The following NOL10 variants were observed in gnomAD, a reference collection of about 807,000 sequenced individuals.
NOL10 encodes nucleolar protein 10.
NOL10 carries 58 observed loss-of-function variants against 103.5 expected under a neutral mutation model. That is an observed-to-expected ratio of 0.56 (90% CI 0.45 to 0.70). NOL10 has a LOEUF of 0.70. Among genes scored for constraint, NOL10 ranks in the 30% least tolerant of loss-of-function variants. NOL10 has a pLI of 0.00. For missense variants in NOL10, 763 were observed against 807.3 expected (o/e 0.95, Z 0.67); for synonymous variants, 287 against 282.5 (o/e 1.02, Z -0.16).
At chr2:10,592,425 G>A (rs867788078) in intron 17 of NOL10, among the ~76,000 whole-genome samples, 1 of 152,298 alleles carries the variant, frequency 6.6e-6, no homozygotes, top group South Asian at 2.1e-4. Context: ...GTGGCACAGG[G>A]AGAAGAGCAC....
chr2:10,669,292 G>T (rs113832619), intron 6 of NOL10, among the ~76,000 whole-genome samples: 1 of 151,146 alleles, frequency 6.6e-6, no homozygotes, highest in Non-Finnish European at 1.5e-5. Context: ...GTTTCACCAT[G>T]TTGGCCAGGC....
intron 12 of NOL10, among the ~76,000 whole-genome samples, chr2:10,644,701 G>C (rs747405905): frequency 1.3e-5 from 2 of 152,178 alleles, no homozygotes; most frequent in Non-Finnish European, 2.9e-5. Context: ...CTCCCTCACA[G>C]GGAATTATAA....
intron 3 of NOL10, among the ~76,000 whole-genome samples, chr2:10,676,817 T>C (rs910191668): frequency 9.9e-5 from 15 of 151,900 alleles, no homozygotes; most frequent in Non-Finnish European, 1.8e-4. Flanking sequence ...TTTGTATTTT[T>C]AGTAGAGACG....
chr2:10,637,516 A>T (rs1197884503), intron 13 of NOL10, among the ~76,000 whole-genome samples: 1 of 152,208 alleles, frequency 6.6e-6, no homozygotes, highest in East Asian at 1.9e-4. Flanking sequence ...AGGAGATACC[A>T]GCGTTGAACC....
intron 8 of NOL10, among the ~76,000 whole-genome samples, chr2:10,663,572 A>C (rs1246628741): frequency 6.6e-6 from 1 of 152,170 alleles, no homozygotes; most frequent in African/African-American, 2.4e-5. Flanking sequence ...GGGAAAAGAA[A>C]ATGCAAAATA....
chr2:10,659,521 T>TAA (rs113310863), intron 9 of NOL10, among the ~76,000 whole-genome samples: 1 of 142,342 alleles, frequency 7.0e-6, no homozygotes, highest in African/African-American at 2.6e-5. Flanking sequence ...TACAAAAAAT[T>TAA]AAAAAAAAAA....
chr2:10,686,858 G>A (rs1029232590), intron 1 of NOL10, among the ~76,000 whole-genome samples: 1 of 137,820 alleles, frequency 7.3e-6, no homozygotes, highest in Non-Finnish European at 1.7e-5. Flanking sequence ...AATGTGGGGG[G>A]AAAGCTGGTG....
At chr2:10,643,294 T>C (rs1678842387) in intron 13 of NOL10, among the ~76,000 whole-genome samples, 1 of 152,168 alleles carries the variant, frequency 6.6e-6, no homozygotes, top group Admixed American at 6.5e-5. Flanking sequence ...TTAAAAGGAC[T>C]ATCATAGACA....
chr2:10,682,727 G>A (rs2148365518), intron 2 of NOL10, among the ~76,000 whole-genome samples: 1 of 152,002 alleles, frequency 6.6e-6, no homozygotes, highest in African/African-American at 2.4e-5. Flanking sequence ...ACTCAATCAT[G>A]GCAAAGACAA....
At chr2:10,659,022 G>C (rs1037075014) in intron 10 of NOL10, 150 bp downstream of exon 10, 9 of 642,324 alleles carry the variant, frequency 1.4e-5, no homozygotes, top group African/African-American at 3.6e-5. Context: ...ATTTCTCAAG[G>C]TGTGGAAGAA....
At chr2:10,638,791 C>CTT (rs1678492693) in intron 13 of NOL10, among the ~76,000 whole-genome samples, 1 of 108,154 alleles carries the variant, frequency 9.2e-6, no homozygotes, top group African/African-American at 3.8e-5. Context: ...CCGTGCCTGG[C>CTT]CTTTTTTTTT....
chr2:10,616,060 C>T (rs541177050), intron 13 of NOL10, among the ~76,000 whole-genome samples: 2 of 152,082 alleles, frequency 1.3e-5, no homozygotes, highest in Non-Finnish European at 2.9e-5. Context: ...GTCCACTCTA[C>T]CAGCCCAAAC....
Position 10,602,987 on chromosome 2 carries a change from T to C in NOL10, c.1233+91A>G, listed in dbSNP as rs1478123084. Reference sequence around the variant, plus strand: ...ACAGGCAGATCCCCTACAAATCCTATGTATGATTTATGAAAGTGCGAGTAG... The same window carrying C: ...ACAGGCAGATCCCCTACAAATCCTACGTATGATTTATGAAAGTGCGAGTAG... On this transcript the variant is annotated intron_variant, in intron 15 of 20. Transcript: ENST00000381685. The C allele has an allele frequency of 1.4e-5, 17 of 1,236,350 alleles. No individual in the cohort carries two copies. The East Asian group carries it at 2.0e-4, about 14-fold the overall frequency. The allele number at this position is 1,236,350 out of a possible 1,614,324, so 76.6% of individuals were successfully genotyped here.
At chr2:10,634,534 G>A (rs1342656726) in intron 13 of NOL10, 2 of 456,594 alleles carry the variant, frequency 4.4e-6, no homozygotes, top group South Asian at 1.5e-5. Context: ...TGGTGGATAT[G>A]TACCTCTGTA....
intron 13 of NOL10, among the ~76,000 whole-genome samples, chr2:10,615,663 CTT>C (rs1676795899): frequency 6.6e-6 from 1 of 152,200 alleles, no homozygotes; most frequent in Admixed American, 6.5e-5. Context: ...ATTTAAGAAA[CTT>C]AACCGGGTAA....
chr2:10,580,037 C>A (rs1189973930), intron 19 of NOL10, among the ~76,000 whole-genome samples: 1 of 152,170 alleles, frequency 6.6e-6, no homozygotes, highest in Non-Finnish European at 1.5e-5. Flanking sequence ...AGTTTTGGAA[C>A]AAACCATGGC....
At chr2:10,637,585 A>G (rs553004811) in intron 13 of NOL10, among the ~76,000 whole-genome samples, 1 of 152,336 alleles carries the variant, frequency 6.6e-6, no homozygotes, top group South Asian at 2.1e-4. Flanking sequence ...CTCAGCTGAG[A>G]GGCTTAGAAA....
At chr2:10,612,840 T>C (rs1351841636) in intron 13 of NOL10, among the ~76,000 whole-genome samples, 1 of 152,056 alleles carries the variant, frequency 6.6e-6, no homozygotes, top group Non-Finnish European at 1.5e-5. Context: ...AGGCCTTGTC[T>C]CTACACATTT....
chr2:10,607,238 C>T lies in NOL10; in HGVS notation c.1100G>A (p.Ser367Asn). The T allele has an allele frequency of 6.2e-7, 1 of 1,607,990 alleles. No homozygotes were observed. Among genetic ancestry groups the T allele is most frequent in the Non-Finnish European group, 8.5e-7 (1 of 1,176,688 alleles). Residue 367 changes from serine to asparagine, a missense_variant, in exon 14 of 21, where the codon AGC (serine) becomes AAC (asparagine). Coordinates refer to ENST00000381685, the MANE Select transcript of NOL10 (RefSeq NM_024894.4). ...LTEELEENPE[S>N]TVYDDYKFVT... The stretch of plus-strand genomic sequence containing the variant: ...AAATTTATAATCATCATAGACTGTG[C>T]TTTCTGGATTCTCTTCTAATTCTTC...
Sources: allele counts gnomAD v4.1 joint callset (sites outside exome capture counted in the v4.1 genomes callset), GRCh38; gene constraint gnomAD v4.1.1; transcripts MANE v1.5; gene names NCBI Gene and HGNC (gene_info 2026-07-23, HGNC 2026-07-21).